DOCK1: variants seen among roughly 807,000 people sequenced by gnomAD.
The protein encoded by DOCK1 is dedicator of cytokinesis 1, also known as dedicator of cytokinesis protein 1.
DOCK1 carries 138 observed loss-of-function variants against 262.7 expected under a neutral mutation model. The ratio of observed to expected loss-of-function variants is 0.53; its 90% CI spans 0.46 to 0.61. The LOEUF is 0.61. Ranked by LOEUF, DOCK1 falls within the 20% of genes least tolerant of loss-of-function variation. The pLI, the probability that DOCK1 is intolerant of heterozygous loss-of-function variation, is 0.00. For synonymous variants in DOCK1, 866 were observed against 867.4 expected (o/e 1.00, Z 0.03); for missense variants, 1,908 against 2,370.7 (o/e 0.80, Z 4.05).
intron 27 of DOCK1, among the ~76,000 whole-genome samples, chr10:127,161,915 C>T (rs2133681362): frequency 6.6e-6 from 1 of 152,222 alleles, no homozygotes; most frequent in Admixed American, 6.5e-5. Context: ...TTGGATTGAC[C>T]CCTGTTCCAG....
At chr10:126,941,316 G>A (rs1254428182) in intron 1 of DOCK1, among the ~76,000 whole-genome samples, 2 of 152,180 alleles carry the variant, frequency 1.3e-5, no homozygotes, top group East Asian at 3.9e-4. Context: ...CTAAAAACCA[G>A]TTTAAAAAGA....
rs1167603282 is a variant in DOCK1, at chr10:127,343,629, TC to T, written c.3124-15del. 6.3e-7 allele frequency: 1 copy of T among 1,594,826 alleles called. No individual in the cohort carries two copies. Among genetic ancestry groups the T allele is most frequent in the East Asian group, 2.2e-5 (1 of 44,552 alleles). On this transcript the variant is annotated splice_polypyrimidine_tract_variant and intron_variant, in intron 30 of 51. Transcript: ENST00000623213. ...AGCTGTTCAACAACTTAGCATCTCC[TC>T]CTTTTTGGTTTTCAGCTGTGGAACA...
chr10:127,338,886 C>A, intron 29 of DOCK1, 120 bp from the exon 30 acceptor site: 1 of 805,268 alleles, frequency 1.2e-6, no homozygotes. Flanking sequence ...CACAGCTTTG[C>A]GCAAGACTTG....
chr10:127,082,111 C>T (rs560389669), intron 23 of DOCK1, among the ~76,000 whole-genome samples: 9 of 152,124 alleles, frequency 5.9e-5, no homozygotes, highest in East Asian at 3.9e-4. Context: ...TGACTGTTGG[C>T]GCCTCAGGCT....
chr10:127,385,834 C>T (rs1377116527), intron 38 of DOCK1, among the ~76,000 whole-genome samples: 1 of 152,252 alleles, frequency 6.6e-6, no homozygotes, highest in East Asian at 1.9e-4. Context: ...TCCGTCATCA[C>T]AGGCCTTCTC....
At chr10:127,380,155 T>C (rs2065746298) in intron 36 of DOCK1, 33 bp downstream of exon 36, 2 of 1,384,334 alleles carry the variant, frequency 1.4e-6, no homozygotes, top group South Asian at 2.8e-5. Flanking sequence ...TGCATGTTAA[T>C]TATAAATAAT....
chr10:127,053,994 A>G (rs1564766440), intron 22 of DOCK1, among the ~76,000 whole-genome samples: 1 of 152,216 alleles, frequency 6.6e-6, no homozygotes, highest in Non-Finnish European at 1.5e-5. Context: ...GATGGGATTC[A>G]TGAACCTGTG....
At chr10:127,300,985 C>A (rs753862054) in intron 29 of DOCK1, among the ~76,000 whole-genome samples, 2 of 152,210 alleles carry the variant, frequency 1.3e-5, no homozygotes, top group Non-Finnish European at 2.9e-5. Flanking sequence ...CTTTTCCTAA[C>A]CCCCTAGCCT....
At chr10:127,253,803 A>G (rs1157397874) in intron 28 of DOCK1, among the ~76,000 whole-genome samples, 6 of 141,762 alleles carry the variant, frequency 4.2e-5, no homozygotes, top group Non-Finnish European at 7.6e-5. Context: ...TTAGCCTAGG[A>G]GTTTGAGGCT....
At chr10:127,042,761 C>G (rs367877315) in intron 20 of DOCK1, 47 bp downstream of exon 20, 20 of 1,589,672 alleles carry the variant, frequency 1.3e-5, no homozygotes, top group Non-Finnish European at 1.7e-5. Context: ...CAGCGTTCTT[C>G]CATGCTGCAG....
intron 32 of DOCK1, among the ~76,000 whole-genome samples, chr10:127,358,609 C>T (rs911199049): frequency 3.9e-5 from 6 of 152,142 alleles, no homozygotes; most frequent in African/African-American, 4.8e-5. Flanking sequence ...CTTTATCCAC[C>T]GCGTTGGGTT....
chr10:126,934,747 G>GTTTTTTTTTTTT (rs1166445414), intron 1 of DOCK1, among the ~76,000 whole-genome samples: 69 of 107,454 alleles, frequency 6.4e-4, no homozygotes, highest in African/African-American at 1.9e-3. Flanking sequence ...GAATTTACGA[G>GTTTTTTTTTTTT]TTTTTTTTTT....
At chr10:127,024,449 A>C (rs764507183) in intron 14 of DOCK1, among the ~76,000 whole-genome samples, 1 of 152,176 alleles carries the variant, frequency 6.6e-6, no homozygotes, top group East Asian at 1.9e-4. Flanking sequence ...ACTGGAGGTC[A>C]GTGTCATCCC....
chr10:127,383,159 T>C (rs2065912196), intron 37 of DOCK1, among the ~76,000 whole-genome samples: 1 of 152,232 alleles, frequency 6.6e-6, no homozygotes, highest in Non-Finnish European at 1.5e-5. Flanking sequence ...AATAGAATCT[T>C]CTTTTTTGGT....
At chr10:127,019,970 C>A (rs1169764003) in intron 13 of DOCK1, among the ~76,000 whole-genome samples, 1 of 152,194 alleles carries the variant, frequency 6.6e-6, no homozygotes, top group East Asian at 1.9e-4. Context: ...GGAGTTACTG[C>A]TTTGCTTACT....
intron 22 of DOCK1, among the ~76,000 whole-genome samples, chr10:127,058,713 T>C (rs2135796871): frequency 6.6e-6 from 1 of 151,300 alleles, no homozygotes; most frequent in East Asian, 1.9e-4. Flanking sequence ...GTAACATCCA[T>C]GTTGGACTTA....
At chr10:127,168,423 A>AGCGCTGCTTTCTCTCTGCTGC (rs1298541112) in intron 27 of DOCK1, among the ~76,000 whole-genome samples, 1 of 152,260 alleles carries the variant, frequency 6.6e-6, no homozygotes, top group Non-Finnish European at 1.5e-5. Context: ...ATCTCAGCTC[A>AGCGCTGCTTTCTCTCTGCTGC]GCGCTGCTTT....
At chr10:127,217,533 T>C (rs1200112733) in intron 27 of DOCK1, among the ~76,000 whole-genome samples, 1 of 152,210 alleles carries the variant, frequency 6.6e-6, no homozygotes, top group Non-Finnish European at 1.5e-5. Flanking sequence ...TTTTCAGTTA[T>C]TAAATTTTGA....
chr10:127,108,055 G>A (rs1194548141), intron 24 of DOCK1, among the ~76,000 whole-genome samples: 1 of 152,208 alleles, frequency 6.6e-6, no homozygotes, highest in East Asian at 1.9e-4. Flanking sequence ...GATGCAGGCT[G>A]CTGCTGGCCT....
Sources: allele counts gnomAD v4.1 joint callset (sites outside exome capture counted in the v4.1 genomes callset), GRCh38; gene constraint gnomAD v4.1.1; transcripts MANE v1.5; gene names NCBI Gene and HGNC (gene_info 2026-07-23, HGNC 2026-07-21).